Variants in SEMA3A observed in about 807,000 individuals in gnomAD.
SEMA3A encodes the protein semaphorin 3A.
SEMA3A carries 29 observed loss-of-function variants against 97.9 expected under a neutral mutation model. The ratio of observed to expected loss-of-function variants is 0.30; its 90% confidence interval spans 0.22 to 0.40. The LOEUF (loss-of-function observed/expected upper bound fraction) is 0.40. SEMA3A is among the 10% of genes least tolerant of loss of function. The probability of loss-of-function intolerance (pLI) is 1.00; values close to 1 mark genes in which losing one functional copy is unlikely to be tolerated. For missense variants in SEMA3A, 763 were observed against 951.3 expected, an observed-to-expected ratio of 0.80 and a Z score of 2.60; for synonymous variants, 321 against 323.7, an observed-to-expected ratio of 0.99 and a Z score of 0.09.
At chr7:84,434,202 C>T (rs1805061784) in intron 1 of SEMA3A, among the ~76,000 whole-genome samples, 1 of 151,836 alleles carries the variant, frequency 6.6e-6, no homozygotes, top group Admixed American at 6.6e-5. Context: ...TGTTTATTGG[C>T]TGTTTGTCTT....
At chr7:84,340,782 G>GAA (rs3048716) in intron 2 of SEMA3A, among the ~76,000 whole-genome samples, 17,679 of 85,938 alleles carry the variant, frequency 0.21, 1,379 homozygotes, top group East Asian at 0.41. Flanking sequence ...CTCCATCTCG[G>GAA]AAAAAAAAAA....
chr7:84,344,729 A>T (rs1802254100), intron 2 of SEMA3A, among the ~76,000 whole-genome samples: 1 of 152,184 alleles, frequency 6.6e-6, no homozygotes, highest in Non-Finnish European at 1.5e-5. Flanking sequence ...GAACTATTTT[A>T]AAAAAGAATA....
intron 3 of SEMA3A, among the ~76,000 whole-genome samples, chr7:84,272,730 G>C (rs1204613135): frequency 6.6e-6 from 1 of 152,044 alleles, no homozygotes; most frequent in South Asian, 2.1e-4. Flanking sequence ...GGCAGGTCAG[G>C]TTACGCCATT....
chr7:83,980,802 A>G (rs1239380548), intron 14 of SEMA3A, among the ~76,000 whole-genome samples: 1 of 151,618 alleles, frequency 6.6e-6, no homozygotes, highest in African/African-American at 2.4e-5. Context: ...TAACACTTAA[A>G]TTTTCTTGAA....
At chr7:84,189,234 C>T (rs1004567548) in intron 1 of SEMA3A, among the ~76,000 whole-genome samples, 2 of 151,752 alleles carry the variant, frequency 1.3e-5, no homozygotes, top group Non-Finnish European at 3.0e-5. Flanking sequence ...ACCTCTATAA[C>T]TTTGTAGCAA....
chr7:84,310,857 C>T (rs996294575), intron 2 of SEMA3A, among the ~76,000 whole-genome samples: 25 of 151,898 alleles, frequency 1.6e-4, no homozygotes, highest in African/African-American at 5.8e-4. Context: ...CCATCCATCT[C>T]GCCTTCCATT....
intron 3 of SEMA3A, among the ~76,000 whole-genome samples, chr7:84,128,847 A>T (rs1363844851): frequency 6.6e-6 from 1 of 152,180 alleles, no homozygotes; most frequent in African/African-American, 2.4e-5. Flanking sequence ...GATTAGTCAC[A>T]TTCAAAATGC....
intron 3 of SEMA3A, among the ~76,000 whole-genome samples, chr7:84,212,039 C>T (rs1013409736): frequency 3.3e-5 from 5 of 152,072 alleles, no homozygotes; most frequent in African/African-American, 1.2e-4. Context: ...ATATGGAAGA[C>T]GAATATTCGG....
intron 3 of SEMA3A, among the ~76,000 whole-genome samples, chr7:84,208,717 A>T (rs1418746528): frequency 6.6e-6 from 1 of 152,242 alleles, no homozygotes. Context: ...GATTTCTGGC[A>T]TCTTAAGTAT....
chr7:84,055,232 C>G (rs1216221995), intron 5 of SEMA3A, among the ~76,000 whole-genome samples: 1 of 152,162 alleles, frequency 6.6e-6, no homozygotes, highest in Non-Finnish European at 1.5e-5. Context: ...TGGGCTCCAC[C>G]CAGTTGGAGC....
chr7:84,284,918 A>G (rs1800541404), intron 3 of SEMA3A, among the ~76,000 whole-genome samples: 1 of 152,162 alleles, frequency 6.6e-6, no homozygotes, highest in South Asian at 2.1e-4. Flanking sequence ...CCAAACATCT[A>G]GTAAGGCCTT....
chr7:84,198,788 C>T (rs910885791), upstream of SEMA3A, among the ~76,000 whole-genome samples: 1 of 152,120 alleles, frequency 6.6e-6, no homozygotes, highest in Non-Finnish European at 1.5e-5. Context: ...AACCTCACCT[C>T]CCTCTGTACT....
chr7:84,359,009 C>T (rs1411485105), intron 2 of SEMA3A, among the ~76,000 whole-genome samples: 1 of 151,760 alleles, frequency 6.6e-6, no homozygotes, highest in Non-Finnish European at 1.5e-5. Flanking sequence ...TTTGCTGAAG[C>T]TGCTGAAAGC....
intron 6 of SEMA3A, among the ~76,000 whole-genome samples, chr7:84,025,832 G>A (rs550173427): frequency 9.9e-5 from 15 of 152,146 alleles, no homozygotes; most frequent in Non-Finnish European, 2.1e-4. Context: ...AATGTTCAAG[G>A]TACAAACTAG....
At chr7:84,023,005 T>C (rs1791385321) in intron 6 of SEMA3A, among the ~76,000 whole-genome samples, 1 of 152,222 alleles carries the variant, frequency 6.6e-6, no homozygotes, top group Non-Finnish European at 1.5e-5. Flanking sequence ...TTCCCCTTTA[T>C]ACCTTTACCA....
Position 83,957,161 on chromosome 7 carries a change from A to G in SEMA3A, c.*4210T>C, listed in dbSNP as rs1267496332. On this transcript the variant is annotated 3_prime_UTR_variant, in exon 17 of 17. Transcript: ENST00000265362. ...TTGGGGTAGTGTGACAATAAAAGGT[A>G]TATACAAGGCACAGGTTTAGCATAG... is the stretch of plus-strand genomic sequence containing the variant. The G allele has an allele frequency of 6.6e-6, 1 of 152,130 alleles. No individual in the cohort carries two copies. The highest frequency in any genetic ancestry group is 2.4e-5 in the African/African-American group (1 of 41,438). The allele number at this position is 152,130 out of a possible 1,614,324, so 9.4% of individuals were successfully genotyped here. A position where few individuals can be genotyped will look rare whatever the true frequency, so the allele number is the denominator to read the frequency against.
In SEMA3A at chr7:83,997,753, T is replaced by C. The variant is rs116490850; in HGVS notation, c.1452+4202A>G. ...TGATAATGAAATTTTTCTTTTTTTT[T>C]TTTTTGAGAGGGAGTCTCCATCATC... On this transcript the variant is annotated intron_variant, in intron 12 of 16. Transcript: ENST00000265362. 3.2e-3 allele frequency among the ~76,000 whole-genome samples: 482 copies of C among 152,066 alleles called. 4 individuals are homozygous for C. Among genetic ancestry groups the C allele is most frequent in the African/African-American group, 0.011 (449 of 41,482 alleles).
chr7:84,453,097 C>T (rs1349362016), intron 1 of SEMA3A, among the ~76,000 whole-genome samples: 1 of 149,728 alleles, frequency 6.7e-6, no homozygotes, highest in East Asian at 1.9e-4. Flanking sequence ...CTTTATCAAA[C>T]GCAAAGGAAT....
chr7:84,210,805 T>C (rs1292621934), intron 3 of SEMA3A, among the ~76,000 whole-genome samples: 1 of 152,174 alleles, frequency 6.6e-6, no homozygotes, highest in Non-Finnish European at 1.5e-5. Context: ...ATATACACCA[T>C]GTTTCTTTAA....
Sources: allele counts gnomAD v4.1 joint callset (sites outside exome capture counted in the v4.1 genomes callset), GRCh38; gene constraint gnomAD v4.1.1; transcripts MANE v1.5; gene names NCBI Gene and HGNC (gene_info 2026-07-23, HGNC 2026-07-21).